CNTNAP4: variants seen among roughly 807,000 people sequenced by gnomAD.
The protein encoded by CNTNAP4 is contactin-associated protein-like 4.
CNTNAP4 carries 98 observed loss-of-function variants against 148.4 expected under a neutral mutation model. That is an observed-to-expected ratio of 0.66 (90% CI 0.56 to 0.78). The LOEUF is 0.78. CNTNAP4 is among the 30% of genes least tolerant of loss of function. CNTNAP4 has a pLI of 0.00. For missense variants in CNTNAP4, 1,935 were observed against 1,565.6 expected (o/e 1.24, Z -3.98); for synonymous variants, 730 against 565.1 (o/e 1.29, Z -4.14).
chr16:76,494,784 T>A (rs2082342247), intron 13 of CNTNAP4, 126 bp from the exon 14 acceptor site: 1 of 1,043,178 alleles, frequency 9.6e-7, no homozygotes, highest in Non-Finnish European at 1.4e-6. Context: ...TATCCTTAAA[T>A]CCAATCAATC....
Position 76,540,588 on chromosome 16 carries a change from G to T in CNTNAP4, c.3355-115G>T, listed in dbSNP as rs957050837. 13 of 568,988 alleles carry T rather than the reference G, an allele frequency of 2.3e-5. No individual in the cohort carries two copies. The Admixed American group carries it at 3.5e-4, about 15-fold the overall frequency. 35.2% of individuals were successfully genotyped at this position (568,988 alleles called of 1,614,324 possible). ...AATTTTGTTTTTTTCTAAATGTTTGGGGCCATGCTAACAACTGCTTAATGT... is the reference window on the plus strand; with the variant it reads ...AATTTTGTTTTTTTCTAAATGTTTGTGGCCATGCTAACAACTGCTTAATGT... On this transcript the variant is annotated intron_variant, in intron 20 of 23. Transcript: ENST00000611870.
At chr16:76,486,589 G>C (rs1468479912) in intron 12 of CNTNAP4, among the ~76,000 whole-genome samples, 1 of 152,150 alleles carries the variant, frequency 6.6e-6, no homozygotes, top group African/African-American at 2.4e-5. Flanking sequence ...CTACGTTAAA[G>C]GATGATTAAA....
At chr16:76,385,250 T>G (rs1321204303) in intron 3 of CNTNAP4, among the ~76,000 whole-genome samples, 2 of 152,218 alleles carry the variant, frequency 1.3e-5, no homozygotes, top group African/African-American at 4.8e-5. Context: ...TCCCTGACAG[T>G]TATGTTTTAT....
At chr16:76,328,987 C>T (rs1008270837) in intron 2 of CNTNAP4, among the ~76,000 whole-genome samples, 1 of 152,104 alleles carries the variant, frequency 6.6e-6, no homozygotes, top group Non-Finnish European at 1.5e-5. Context: ...GTTTTGGGAA[C>T]CCTCTGTAAT....
intron 20 of CNTNAP4, among the ~76,000 whole-genome samples, 152 bp from the exon 21 acceptor site, chr16:76,540,551 G>A (rs1309489947): frequency 6.6e-6 from 1 of 151,580 alleles, no homozygotes; most frequent in Non-Finnish European, 1.5e-5. Context: ...TTTCTAAGTG[G>A]CTAAGCTTTT....
In CNTNAP4 at chr16:76,535,942, C is replaced by A. The variant is rs547261798; in HGVS notation, c.2995+158C>A. ...GAATGTAAAGAATGAGTACAAGATCCTGGTGATGAGACAGCATCATATATT... is the reference window on the plus strand; with the variant it reads ...GAATGTAAAGAATGAGTACAAGATCATGGTGATGAGACAGCATCATATATT... On this transcript the variant is annotated intron_variant, in intron 18 of 23. Transcript: ENST00000611870. Among the ~76,000 whole-genome samples the A allele has an allele frequency of 5.9e-5, 9 of 152,272 alleles. 1 individual carries two copies. The highest frequency in any genetic ancestry group is 5.9e-4 in the Admixed American group (9 of 15,290).
intron 14 of CNTNAP4, among the ~76,000 whole-genome samples, chr16:76,497,550 A>C (rs865890957): frequency 1.3e-5 from 2 of 152,146 alleles, no homozygotes; most frequent in Non-Finnish European, 2.9e-5. Context: ...TTGTGGAGAC[A>C]TGGATGAAGC....
intron 1 of CNTNAP4, among the ~76,000 whole-genome samples, chr16:76,286,576 G>A (rs749545845): frequency 3.3e-5 from 5 of 151,996 alleles, no homozygotes; most frequent in Admixed American, 1.3e-4. Context: ...TCTGAACCTA[G>A]CAATGAAGCA....
intron 7 of CNTNAP4, among the ~76,000 whole-genome samples, chr16:76,451,167 C>T (rs2879777): frequency 0.39 from 59,769 of 151,958 alleles, 11,822 homozygotes; most frequent in Middle Eastern, 0.48. Context: ...ACAAACCAGC[C>T]GCTGTGTGAC....
intron 2 of CNTNAP4, among the ~76,000 whole-genome samples, chr16:76,342,465 CTTTTTTTT>C (rs397854943): frequency 1.7e-4 from 16 of 91,508 alleles, no homozygotes; most frequent in African/African-American, 7.6e-4. Flanking sequence ...TTGCTAATTT[CTTTTTTTT>C]TTTTTTTTTT....
At chr16:76,440,611 A>C (rs997223616) in intron 4 of CNTNAP4, among the ~76,000 whole-genome samples, 1 of 152,120 alleles carries the variant, frequency 6.6e-6, no homozygotes, top group East Asian at 1.9e-4. Flanking sequence ...TGTTCTTCCT[A>C]TCAAACAACC....
intron 17 of CNTNAP4, among the ~76,000 whole-genome samples, chr16:76,534,758 G>A (rs1007777561): frequency 6.6e-6 from 1 of 152,138 alleles, no homozygotes; most frequent in Non-Finnish European, 1.5e-5. Flanking sequence ...AGCTCTCCGT[G>A]TGATTATGTG....
chr16:76,400,004 CTATTT>C lies in CNTNAP4; in HGVS notation c.391-27445_391-27441del, dbSNP rs111505927. Among the ~76,000 whole-genome samples the C allele has an allele frequency of 9.8e-3, 1,498 of 152,242 alleles. 26 individuals carry two copies. The highest frequency in any genetic ancestry group is 0.033 in the African/African-American group (1,392 of 41,554). On this transcript the variant is annotated intron_variant, in intron 3 of 23. Transcript: ENST00000611870. ...GTAAAAGATTAATTATTAATACAAA[CTATTT>C]TAATCAAATGGATTTAGACAGGTTA...
chr16:76,498,426 T>G (rs2082482240), intron 14 of CNTNAP4, 141 bp from the exon 15 acceptor site: 1 of 513,266 alleles, frequency 1.9e-6, no homozygotes, highest in Non-Finnish European at 3.4e-6. Context: ...TCAAATGTCA[T>G]TCTGTTTTTA....
rs1963777779 is a variant in CNTNAP4 at position 76,333,876 on chromosome 16, A to T, written c.196+17353A>T. Among the ~76,000 whole-genome samples, 3 of 148,396 alleles carry T rather than the reference A, an allele frequency of 2.0e-5. No homozygotes were observed. The South Asian group carries it at 6.3e-4, about 31-fold the overall frequency. On this transcript the variant is annotated intron_variant, in intron 2 of 23. Transcript: ENST00000611870. Reference sequence around the variant, plus strand: ...TGAACTAGTTTACAGTCCCACCAACAGCGTAAAAGTGTTCCTATTTCTCCA... The same window carrying T: ...TGAACTAGTTTACAGTCCCACCAACTGCGTAAAAGTGTTCCTATTTCTCCA...
At chr16:76,287,615 CT>C (rs1279608113) in intron 1 of CNTNAP4, 1 of 152,092 alleles carries the variant, frequency 6.6e-6, no homozygotes, top group Non-Finnish European at 1.5e-5. Flanking sequence ...GATCATTTTC[CT>C]TTTTCATTTT....
chr16:76,499,073 T>G (rs1400170136), intron 15 of CNTNAP4, among the ~76,000 whole-genome samples: 2 of 150,788 alleles, frequency 1.3e-5, no homozygotes, highest in African/African-American at 2.4e-5. Flanking sequence ...CAATTTTTTT[T>G]TTTTTTTTTT....
rs572854344 is a variant in CNTNAP4 at position 76,449,681 on chromosome 16, A to G, written c.928-34A>G. 106 of 1,513,654 alleles carry G rather than the reference A, an allele frequency of 7.0e-5. 2 individuals are homozygous for G. The South Asian group carries it at 7.7e-4, about 11-fold the overall frequency. 93.8% of individuals were successfully genotyped at this position (1,513,654 alleles called of 1,614,324 possible). ...TTAAGCAGATTTTTAGAAAATCACT[A>G]AACAATATTATTGATGCCATTTTTC... is the stretch of plus-strand genomic sequence containing the variant. On this transcript the variant is annotated intron_variant, in intron 6 of 23. Transcript: ENST00000611870.
At chr16:76,515,801 TA>T (rs199613660) in intron 15 of CNTNAP4, among the ~76,000 whole-genome samples, 21 of 149,672 alleles carry the variant, frequency 1.4e-4, no homozygotes, top group East Asian at 5.8e-4. Context: ...GACTAAGATT[TA>T]AAAAAAAAAT....
Sources: allele counts gnomAD v4.1 joint callset (sites outside exome capture counted in the v4.1 genomes callset), GRCh38; gene constraint gnomAD v4.1.1; transcripts MANE v1.5; gene names NCBI Gene and HGNC (gene_info 2026-07-23, HGNC 2026-07-21).